SLC35F3: variants seen among roughly 807,000 people sequenced by gnomAD.
SLC35F3 encodes the protein putative thiamine transporter SLC35F3.
SLC35F3 carries 25 observed loss-of-function variants against 49.9 expected under a neutral mutation model. The ratio of observed to expected loss-of-function variants is 0.50; its 90% CI spans 0.37 to 0.70. SLC35F3 has a LOEUF of 0.70. Among genes scored for constraint, SLC35F3 ranks in the 30% least tolerant of loss-of-function variants. The pLI is 0.00. For synonymous variants in SLC35F3, 275 were observed against 265.4 expected (o/e 1.04, Z -0.35); for missense variants, 525 against 639.8 (o/e 0.82, Z 1.94).
chr1:234,108,512 T>TGATATATATTATTTATATATAAAA (rs1386812504), intron 2 of SLC35F3, among the ~76,000 whole-genome samples: 4 of 102,348 alleles, frequency 3.9e-5, no homozygotes, highest in African/African-American at 1.1e-4. Flanking sequence ...TATATATAAA[T>TGATATATATTATTTATATATAAAA]GATATATATT....
At chr1:234,099,228 G>C (rs1324434123) in intron 2 of SLC35F3, among the ~76,000 whole-genome samples, 1 of 152,094 alleles carries the variant, frequency 6.6e-6, no homozygotes, top group East Asian at 1.9e-4. Flanking sequence ...ACTTAGCAGT[G>C]GTTTCTGGGG....
chr1:234,128,212 T>C (rs770662571), intron 2 of SLC35F3, among the ~76,000 whole-genome samples: 4 of 152,120 alleles, frequency 2.6e-5, no homozygotes, highest in Non-Finnish European at 4.4e-5. Context: ...TCCAAGACAC[T>C]TTCCAGAGAG....
intron 2 of SLC35F3, among the ~76,000 whole-genome samples, chr1:234,118,562 AGAGT>A (rs1471560008): frequency 6.6e-6 from 1 of 152,208 alleles, no homozygotes; most frequent in Non-Finnish European, 1.5e-5. Flanking sequence ...GGAAGAGGGA[AGAGT>A]GACAGTGACC....
chr1:234,301,709 A>T (rs200190113), intron 3 of SLC35F3, among the ~76,000 whole-genome samples: 1 of 152,350 alleles, frequency 6.6e-6, no homozygotes, highest in East Asian at 1.9e-4. Context: ...AAAGGAATCT[A>T]AATAATTCTA....
At chr1:234,067,476 C>T (rs185861224) in intron 2 of SLC35F3, among the ~76,000 whole-genome samples, 48 of 152,272 alleles carry the variant, frequency 3.2e-4, no homozygotes, top group Non-Finnish European at 2.6e-4. Flanking sequence ...TCCTTATGTC[C>T]GCATCCGTGA....
At chr1:234,067,160 T>C (rs192805430) in intron 2 of SLC35F3, among the ~76,000 whole-genome samples, 130 of 152,306 alleles carry the variant, frequency 8.5e-4, no homozygotes, top group African/African-American at 2.9e-3. Context: ...AATTGTGATT[T>C]TTTTTTCTAC....
At chr1:234,280,455 GT>G (rs1343999683) in intron 3 of SLC35F3, among the ~76,000 whole-genome samples, 9 of 152,328 alleles carry the variant, frequency 5.9e-5, no homozygotes, top group African/African-American at 1.9e-4. Context: ...CCGGTTTTCT[GT>G]TTATTGGAAG....
At chr1:234,187,991 A>C (rs553303027) in intron 2 of SLC35F3, among the ~76,000 whole-genome samples, 1 of 152,316 alleles carries the variant, frequency 6.6e-6, no homozygotes, top group East Asian at 1.9e-4. Context: ...TAATCCCAGC[A>C]CTTTGGGAGG....
At chr1:233,909,258 G>A (rs1661830546) in intron 2 of SLC35F3, among the ~76,000 whole-genome samples, 1 of 152,164 alleles carries the variant, frequency 6.6e-6, no homozygotes, top group South Asian at 2.1e-4. Context: ...GAAGTAAGAA[G>A]GGCCCAGTTC....
At chr1:234,121,389 C>A (rs979223755) in intron 2 of SLC35F3, among the ~76,000 whole-genome samples, 21 of 152,056 alleles carry the variant, frequency 1.4e-4, no homozygotes, top group African/African-American at 4.3e-4. Flanking sequence ...CCGCCCGCCT[C>A]GGCCTCCCAA....
chr1:234,117,714 G>T (rs78302078), intron 2 of SLC35F3, among the ~76,000 whole-genome samples: 2,817 of 151,086 alleles, frequency 0.019, 33 homozygotes, highest in South Asian at 0.048. Flanking sequence ...GTGAAACCCC[G>T]TCTCTACTAA....
intron 2 of SLC35F3, among the ~76,000 whole-genome samples, chr1:233,969,060 T>TTG (rs147668566): frequency 2.1e-5 from 3 of 145,524 alleles, no homozygotes; most frequent in Admixed American, 6.8e-5. Flanking sequence ...TGACATATTT[T>TTG]GGGGGGGGGG....
At chr1:234,225,448 T>C (rs1667272151) in intron 2 of SLC35F3, among the ~76,000 whole-genome samples, 2 of 152,122 alleles carry the variant, frequency 1.3e-5, no homozygotes, top group African/African-American at 4.8e-5. Flanking sequence ...TCATGCAGTC[T>C]AGGAAAAAGG....
At chr1:234,170,305 C>T (rs966577413) in intron 2 of SLC35F3, among the ~76,000 whole-genome samples, 2 of 152,312 alleles carry the variant, frequency 1.3e-5, no homozygotes, top group Admixed American at 1.3e-4. Flanking sequence ...GGTTAAACCA[C>T]TTACTCGTAT....
chr1:234,302,750 A>G (rs918241005), intron 3 of SLC35F3, among the ~76,000 whole-genome samples: 3 of 151,948 alleles, frequency 2.0e-5, no homozygotes, highest in African/African-American at 7.3e-5. Context: ...CTTCACTGTT[A>G]ATTGCAGGGC....
chr1:234,245,811 C>T lies in SLC35F3; in HGVS notation c.608+14070C>T, dbSNP rs187472971. 6.9e-3 allele frequency among the ~76,000 whole-genome samples: 1,050 copies of T among 152,294 alleles called. 5 individuals carry two copies. The highest frequency in any genetic ancestry group is 0.01 in the Non-Finnish European group (696 of 68,024). ...TGGGCTTCCTCACAGGAGGGTGGTCCGTGGTAATCACACTGCGTTCATGGT... is the reference window on the plus strand; with the variant it reads ...TGGGCTTCCTCACAGGAGGGTGGTCTGTGGTAATCACACTGCGTTCATGGT... On this transcript the variant is annotated intron_variant, in intron 3 of 7. Transcript: ENST00000366618.
rs556012310 is a variant in SLC35F3 at position 233,979,093 on chromosome 1, A to G, written c.283+73335A>G. Among the ~76,000 whole-genome samples the G allele has an allele frequency of 2.6e-4, 39 of 152,156 alleles. No individual in the cohort carries two copies. The South Asian group carries it at 7.5e-3, about 29-fold the overall frequency. On this transcript the variant is annotated intron_variant, in intron 2 of 7. Transcript: ENST00000366618. Reference sequence around the variant, plus strand: ...AAACAAAAAAACAAAAAAGAAAAAGAAAAAGAATTAAATGAAATGAACAGT... The same window carrying G: ...AAACAAAAAAACAAAAAAGAAAAAGGAAAAGAATTAAATGAAATGAACAGT...
intron 2 of SLC35F3, among the ~76,000 whole-genome samples, chr1:234,167,442 C>T (rs1296719124): frequency 1.3e-5 from 2 of 152,162 alleles, no homozygotes; most frequent in African/African-American, 4.8e-5. Context: ...CAAAGGAGCA[C>T]TGGATCCCCC....
chr1:234,011,626 A>C (rs1174022379), intron 2 of SLC35F3, among the ~76,000 whole-genome samples: 1 of 152,172 alleles, frequency 6.6e-6, no homozygotes, highest in Non-Finnish European at 1.5e-5. Context: ...TGCTCATCTC[A>C]GGATGTGGGA....
Sources: gnomAD v4.1 joint callset for allele counts (sites outside exome capture counted in the v4.1 genomes callset) on GRCh38, gnomAD v4.1.1 for gene constraint, MANE v1.5 for transcripts, NCBI Gene and HGNC (gene_info 2026-07-23, HGNC 2026-07-21) for gene names.